Variants in PLEKHM1 observed in about 807,000 individuals in gnomAD.
PLEKHM1 encodes the protein pleckstrin homology domain-containing family M member 1.
Under a neutral mutation model 94.3 loss-of-function variants are expected in PLEKHM1, and 28 were observed. That is an observed-to-expected ratio of 0.30 (90% confidence interval 0.22 to 0.41). PLEKHM1 has a LOEUF of 0.41. Among genes scored for constraint, PLEKHM1 ranks in the 10% least tolerant of loss-of-function variants. PLEKHM1 has a pLI of 1.00. For synonymous variants in PLEKHM1, 424 were observed against 581.2 expected, an observed-to-expected ratio of 0.73 and a Z score of 3.89; for missense variants, 907 against 1,358.6, an observed-to-expected ratio of 0.67 and a Z score of 5.22.
chr17:45,458,278 G>A lies in PLEKHM1; in HGVS notation c.1470C>T (p.Ser490=), dbSNP rs764305349. The change falls in exon 6 of 12, where the codon TCC becomes TCT. Residue 490 remains serine (S), a synonymous_variant. Coordinates refer to ENST00000430334, the MANE Select transcript of PLEKHM1 (RefSeq NM_014798.3). ...CACACGCTTGGTCTAACGCCCCCAG[G>A]GAGCAGTTTTTTCTTGGTTCTTGAG... is the stretch of plus-strand genomic sequence containing the variant. The part of the protein sequence containing the change: ...HFSQEPRKNC[S]LGALDQACVP... 4 of 1,611,720 alleles carry A rather than the reference G, an allele frequency of 2.5e-6. No individual in the cohort carries two copies. The highest frequency in any genetic ancestry group is 1.1e-5 in the South Asian group (1 of 90,646).
rs777487444 is a variant in PLEKHM1 at position 45,436,543 on chromosome 17, G to A, written c.*1315C>T. On this transcript the variant is annotated 3_prime_UTR_variant, in exon 12 of 12. Coordinates refer to ENST00000430334, the MANE Select transcript of PLEKHM1 (RefSeq NM_014798.3). The stretch of plus-strand genomic sequence containing the variant: ...CTCCAAGCTGAGCGCAGGTAAGACA[G>A]CTAGGACTGAGGGCCTGCTAGGTCC... The A allele has an allele frequency of 2.2e-6, 1 of 452,908 alleles. No homozygotes were observed. The highest frequency in any genetic ancestry group is 1.6e-5 in the South Asian group (1 of 64,412). 28.1% of individuals were successfully genotyped at this position (452,908 alleles called of 1,614,324 possible).
intron 8 of PLEKHM1, among the ~76,000 whole-genome samples, chr17:45,447,399 C>T (rs2050639479): frequency 1.3e-5 from 2 of 152,278 alleles, no homozygotes; most frequent in Admixed American, 1.3e-4. Flanking sequence ...AGTCCTAACT[C>T]AGCTCTTCCC....
chr17:45,474,046 TTTTA>T (rs1359290074), intron 4 of PLEKHM1, among the ~76,000 whole-genome samples: 48 of 150,444 alleles, frequency 3.2e-4, no homozygotes, highest in African/African-American at 1.1e-3. Flanking sequence ...AAATTTTTTA[TTTTA>T]TTTATTTATT....
Position 45,477,944 on chromosome 17 carries a change from C to T in PLEKHM1, c.252G>A (p.Leu84=), listed in dbSNP as rs762493101. The T allele has an allele frequency of 3.7e-5, 59 of 1,613,870 alleles. No individual in the cohort carries two copies. The highest frequency in any genetic ancestry group is 5.3e-5 in the African/African-American group (4 of 74,922). Residue 84 remains leucine (L), a synonymous_variant, in exon 3 of 12, where the codon CTG becomes CTA. Coordinates refer to ENST00000430334, the MANE Select transcript of PLEKHM1 (RefSeq NM_014798.3). ...GGAGGGGCCAGAAGACAGGCTGGGG[C>T]AGAGGCTTCTGGTGGGCACTTTTCT... ...KRKKSAHQKP[L]PQPVFWPLLK...
intron 8 of PLEKHM1, 36 bp downstream of exon 8, chr17:45,450,582 T>C: frequency 6.2e-7 from 1 of 1,612,666 alleles, no homozygotes; most frequent in Non-Finnish European, 8.5e-7. Context: ...CACCCCTCTG[T>C]CCCTCAGCAG....
rs562458596 is a variant in PLEKHM1 at position 45,486,353 on chromosome 17, C to T, written c.-41-3828G>A. Among the ~76,000 whole-genome samples, 214 of 151,558 alleles carry T rather than the reference C, an allele frequency of 1.4e-3. 5 individuals are homozygous for T. In the East Asian group the frequency reaches 0.036, roughly 25 times the overall value. The stretch of plus-strand genomic sequence containing the variant: ...ATCCCAGCACTTTGGGAGGCCGAGG[C>T]GGGTGGATCACGAGGTCAGGAGATC... On this transcript the variant is annotated intron_variant, in intron 1 of 11. Coordinates refer to ENST00000430334, the MANE Select transcript of PLEKHM1 (RefSeq NM_014798.3).
chr17:45,454,268 C>G lies in PLEKHM1; in HGVS notation c.1584G>C (p.Leu528=), dbSNP rs1318572383. ...FRVVHRRQMG[L]SNPFRGLMKL... ...TCATGAGACCCCGGAATGGGTTGGA[C>G]AGTCCTGGAGGCAGAGGCAAAAAGG... Residue 528 remains leucine, a synonymous_variant, in exon 7 of 12, where the codon CTG becomes CTC. Transcript: ENST00000430334. The G allele has an allele frequency of 1.2e-6, 2 of 1,602,818 alleles. No homozygotes were observed. The highest frequency in any genetic ancestry group is 1.7e-5 in the Admixed American group (1 of 58,506).
chr17:45,480,503 A>C (rs982053713), intron 2 of PLEKHM1, among the ~76,000 whole-genome samples: 4 of 152,172 alleles, frequency 2.6e-5, no homozygotes, highest in Non-Finnish European at 5.9e-5. Flanking sequence ...AAAAAACAAA[A>C]AAACAAAAAA....
intron 1 of PLEKHM1, among the ~76,000 whole-genome samples, chr17:45,486,240 A>AAATAATAAT: frequency 7.0e-6 from 1 of 142,932 alleles, no homozygotes; most frequent in African/African-American, 2.5e-5. Context: ...TAAAATAAAA[A>AAATAATAAT]AATAATAATA....
chr17:45,484,160 C>T (rs1343985432), intron 1 of PLEKHM1, among the ~76,000 whole-genome samples: 2 of 152,196 alleles, frequency 1.3e-5, no homozygotes, highest in African/African-American at 4.8e-5. Flanking sequence ...ATAACAGGCC[C>T]TAAGGAAATC....
intron 8 of PLEKHM1, among the ~76,000 whole-genome samples, chr17:45,449,784 A>G (rs1454957316): frequency 1.3e-5 from 2 of 149,664 alleles, no homozygotes; most frequent in Admixed American, 6.6e-5. Flanking sequence ...TCATTCACCT[A>G]CCTACCTACC....
intron 11 of PLEKHM1, among the ~76,000 whole-genome samples, chr17:45,438,271 C>T (rs2050332078): frequency 2.6e-5 from 4 of 152,170 alleles, no homozygotes; most frequent in Admixed American, 6.5e-5. Context: ...CAGTGGCTCA[C>T]GCCTTTAATC....
In PLEKHM1 at chr17:45,453,535, G is replaced by A. The variant is rs775773113; in HGVS notation, c.2317C>T (p.Arg773Cys). ...EEAALWRDLVRKVLASYLETA... is the reference protein window; with the variant it reads ...EEAALWRDLVCKVLASYLETA... ...TCCAAGTAGGATGCCAGGACTTTGC[G>A]GACCAGATCCCTCCACAGGGCGGCT... is the stretch of plus-strand genomic sequence containing the variant. Residue 773 changes from arginine (R) to cysteine (C), a missense_variant, in exon 7 of 12, where the codon CGC (arginine) becomes TGC (cysteine). Arg to Cys is a radical substitution (Grantham distance 180). Transcript: ENST00000430334. The surrounding 1 kb of genome is among the most constrained non-coding windows in gnomAD (Gnocchi z 4.1). 17 of 1,607,044 alleles carry A rather than the reference G, an allele frequency of 1.1e-5. No individual in the cohort carries two copies. The highest frequency in any genetic ancestry group is 1.1e-5 in the South Asian group (1 of 90,358).
At chr17:45,483,683 C>CAT (rs927230412) in intron 1 of PLEKHM1, among the ~76,000 whole-genome samples, 24 of 152,292 alleles carry the variant, frequency 1.6e-4, no homozygotes, top group African/African-American at 4.6e-4. Context: ...GTTCTCTTTA[C>CAT]ATATATTGCC....
In PLEKHM1 at chr17:45,462,749, G is replaced by C. The variant is rs546994183; in HGVS notation, c.1309-4310C>G. On this transcript the variant is annotated intron_variant, in intron 5 of 11. Coordinates refer to ENST00000430334, the MANE Select transcript of PLEKHM1 (RefSeq NM_014798.3). ...ACATAAAATAACAAAGGTGGGTCAA[G>C]TGGACTGGAAGGAAGGAGACAAATG... Among the ~76,000 whole-genome samples, 3 of 152,204 alleles carry C rather than the reference G, an allele frequency of 2.0e-5. No homozygotes were observed. In the South Asian group the frequency reaches 6.2e-4, roughly 31 times the overall value.
chr17:45,489,490 G>A (rs2868670), intron 1 of PLEKHM1, among the ~76,000 whole-genome samples: 5 of 152,170 alleles, frequency 3.3e-5, no homozygotes, highest in African/African-American at 4.8e-5. Flanking sequence ...GTGAGTGGCC[G>A]TCTCTCACCT....
intron 5 of PLEKHM1, among the ~76,000 whole-genome samples, chr17:45,463,044 C>T (rs1338829382): frequency 6.8e-6 from 1 of 146,008 alleles, no homozygotes; most frequent in Non-Finnish European, 1.5e-5. Flanking sequence ...ATGGATGGAG[C>T]TATTGCACTC....
chr17:45,477,852 T>C (rs758450481), intron 3 of PLEKHM1, 48 bp downstream of exon 3: 25 of 1,608,080 alleles, frequency 1.6e-5, no homozygotes, highest in South Asian at 2.2e-5. Flanking sequence ...AAGTGTCCCA[T>C]AGTCTGCTGC....
chr17:45,490,312 G>A (rs946180806), intron 1 of PLEKHM1, among the ~76,000 whole-genome samples: 1 of 152,132 alleles, frequency 6.6e-6, no homozygotes, highest in African/African-American at 2.4e-5. Flanking sequence ...AGGTGTGTCA[G>A]GGCGGGGCGA....
Sources: gnomAD v4.1 joint callset for allele counts (sites outside exome capture counted in the v4.1 genomes callset) on GRCh38, gnomAD v4.1.1 for gene constraint, Gnocchi (gnomAD v3.1) non-coding constraint, MANE v1.5 for transcripts, NCBI Gene and HGNC (gene_info 2026-07-23, HGNC 2026-07-21) for gene names.